The following NPHP1 variants were observed in gnomAD, a reference collection of about 807,000 sequenced individuals.
NPHP1 encodes the protein nephrocystin 1.
NPHP1 carries 70 observed loss-of-function variants against 90.4 expected under a neutral mutation model. The observed-to-expected ratio is 0.77, with a 90% CI of 0.64 to 0.95. The LOEUF is 0.95. NPHP1 is among the 40% of genes least tolerant of loss of function. NPHP1 has a pLI of 0.00. For missense variants in NPHP1, 764 were observed against 795.9 expected (o/e 0.96, Z 0.48); for synonymous variants, 256 against 271.7 (o/e 0.94, Z 0.57).
intron 16 of NPHP1, among the ~76,000 whole-genome samples, chr2:110,135,908 G>A (rs147364562): frequency 2.7e-3 from 408 of 152,298 alleles, no homozygotes; most frequent in African/African-American, 9.2e-3. Context: ...CCACTGTGAT[G>A]AGGTGACAGC....
chr2:110,201,957 C>T (rs1453966022), intron 1 of NPHP1, among the ~76,000 whole-genome samples: 1 of 152,154 alleles, frequency 6.6e-6, no homozygotes, highest in Non-Finnish European at 1.5e-5. Context: ...CTTATTCCTC[C>T]ACAGACAAAC....
At position 110,131,134 on chromosome 2, in the gene NPHP1, T is replaced by C. The variant is rs59274043; in HGVS notation, c.1642+545A>G. 8.7e-4 allele frequency among the ~76,000 whole-genome samples: 133 copies of C among 152,318 alleles called. 1 individual carries two copies. In the East Asian group the frequency reaches 0.015, roughly 17 times the overall value. ...GCATTTATCTTTGCAGGTTCAATCA[T>C]GTATGGTGACTCATTGATTTTTAAA... On this transcript the variant is annotated intron_variant, in intron 17 of 19. Transcript: ENST00000445609.
At chr2:110,172,617 C>CA (rs1170118604) in intron 4 of NPHP1, among the ~76,000 whole-genome samples, 1 of 151,988 alleles carries the variant, frequency 6.6e-6, no homozygotes, top group Admixed American at 6.6e-5. Context: ...CCTGCCTCTA[C>CA]AAAAAATTTA....
chr2:110,155,161 C>T (rs1406625220), intron 11 of NPHP1, among the ~76,000 whole-genome samples: 1 of 152,154 alleles, frequency 6.6e-6, no homozygotes, highest in Non-Finnish European at 1.5e-5. Context: ...TCAGAGGGTG[C>T]AAGCCCAAAC....
At chr2:110,161,157 C>T (rs1471840023) in intron 10 of NPHP1, among the ~76,000 whole-genome samples, 1 of 152,026 alleles carries the variant, frequency 6.6e-6, no homozygotes, top group African/African-American at 2.4e-5. Context: ...CAGAGGGAGA[C>T]CCTGTCTCAA....
rs369107646 is a variant in NPHP1, at chr2:110,175,654, G to A, written c.329+2769C>T. Among the ~76,000 whole-genome samples, 9 of 151,890 alleles carry A rather than the reference G, an allele frequency of 5.9e-5. No homozygotes were observed. The South Asian group carries it at 1.3e-3, about 21-fold the overall frequency. On this transcript the variant is annotated intron_variant, in intron 4 of 19. Coordinates refer to ENST00000445609, the MANE Select transcript of NPHP1 (RefSeq NM_001128178.3). ...GATCTCCTATTTATCTTTGGTTTTCGGTAGTTTGAGGTACCTGTGTGTGGG... is the reference window on the plus strand; with the variant it reads ...GATCTCCTATTTATCTTTGGTTTTCAGTAGTTTGAGGTACCTGTGTGTGGG...
chr2:110,200,292 A>C (rs1440787911), intron 2 of NPHP1, among the ~76,000 whole-genome samples: 5 of 141,334 alleles, frequency 3.5e-5, no homozygotes. Context: ...GGCTGGGCAC[A>C]GTGGCTCACA....
At chr2:110,161,492 C>A in intron 10 of NPHP1, 111 bp downstream of exon 10, 1 of 714,780 alleles carries the variant, frequency 1.4e-6, no homozygotes, top group Non-Finnish European at 2.4e-6. Context: ...TTATCATAAA[C>A]AATTTTTTTG....
At chr2:110,164,426 G>C in intron 8 of NPHP1, 10 of 746,488 alleles carry the variant, frequency 1.3e-5, no homozygotes, top group South Asian at 1.3e-4. Context: ...TAGGAAAGCA[G>C]GATCAATGAG....
chr2:110,149,489 G>C (rs1681308896), intron 12 of NPHP1, among the ~76,000 whole-genome samples: 1 of 152,142 alleles, frequency 6.6e-6, no homozygotes, highest in African/African-American at 2.4e-5. Flanking sequence ...GACAGGCACA[G>C]CACACAGTTG....
At chr2:110,161,555 G>T in intron 10 of NPHP1, 48 bp downstream of exon 10, 2 of 1,248,332 alleles carry the variant, frequency 1.6e-6, no homozygotes, top group South Asian at 2.6e-5. Flanking sequence ...TTGCAACTAT[G>T]ACAAAATCTG....
intron 2 of NPHP1, chr2:110,185,083 C>T: frequency 1.7e-6 from 1 of 591,048 alleles, no homozygotes; most frequent in Non-Finnish European, 3.3e-6. Context: ...GGATTGAGGG[C>T]TCTATCCTTG....
In NPHP1 at chr2:110,123,672, GAA is replaced by G; in HGVS notation, c.*117_*118del. The G allele has an allele frequency of 1.0e-6, 1 of 976,218 alleles. No individual in the cohort carries two copies. The highest frequency in any genetic ancestry group is 2.0e-5 in the Admixed American group (1 of 51,198). The allele number at this position is 976,218 out of a possible 1,614,324, so 60.5% of individuals were successfully genotyped here. ...TCTTTAAAAATATGGTCTGTAGAAAGAAAAGAGTAAAACCTAAGTTGTAAAGT... is the reference window on the plus strand; with the variant it reads ...TCTTTAAAAATATGGTCTGTAGAAAGAAGAGTAAAACCTAAGTTGTAAAGT... On this transcript the variant is annotated 3_prime_UTR_variant, in exon 20 of 20. Coordinates refer to ENST00000445609, the MANE Select transcript of NPHP1 (RefSeq NM_001128178.3).
intron 2 of NPHP1, among the ~76,000 whole-genome samples, chr2:110,186,534 A>G (rs1414668926): frequency 6.6e-6 from 1 of 152,136 alleles, no homozygotes; most frequent in African/African-American, 2.4e-5. Context: ...CCTTTAGCCC[A>G]GGTGGTGCAA....
At chr2:110,162,388 G>A (rs535070443) in intron 9 of NPHP1, among the ~76,000 whole-genome samples, 14 of 152,182 alleles carry the variant, frequency 9.2e-5, no homozygotes, top group Admixed American at 5.9e-4. Flanking sequence ...AGAATTTACC[G>A]CGAGACCTGA....
intron 16 of NPHP1, among the ~76,000 whole-genome samples, chr2:110,142,332 T>C (rs1026181119): frequency 6.6e-6 from 1 of 151,996 alleles, no homozygotes; most frequent in African/African-American, 2.4e-5. Flanking sequence ...TGAAAATGCA[T>C]TTAATACACT....
chr2:110,138,937 A>G (rs1225815097), intron 16 of NPHP1, among the ~76,000 whole-genome samples: 1 of 152,034 alleles, frequency 6.6e-6, no homozygotes, highest in East Asian at 1.9e-4. Context: ...GATATTCTTT[A>G]GAGAAAGCAT....
At chr2:110,198,267 A>G (rs1478369253) in intron 2 of NPHP1, among the ~76,000 whole-genome samples, 1 of 152,190 alleles carries the variant, frequency 6.6e-6, no homozygotes, top group East Asian at 1.9e-4. Flanking sequence ...GGTTAACTAA[A>G]CTAAATCATA....
chr2:110,156,400 T>C (rs1202423135), intron 11 of NPHP1, among the ~76,000 whole-genome samples: 1 of 152,172 alleles, frequency 6.6e-6, no homozygotes. Flanking sequence ...TCCTCAGCCA[T>C]GCGGAACTGT....
Sources: gnomAD v4.1 joint callset for allele counts (sites outside exome capture counted in the v4.1 genomes callset) on GRCh38, gnomAD v4.1.1 for gene constraint, MANE v1.5 for transcripts, NCBI Gene and HGNC (gene_info 2026-07-23, HGNC 2026-07-21) for gene names.